MOB2: variants seen among roughly 807,000 people sequenced by gnomAD.
MOB2 encodes MOB kinase activator 2.
Under a neutral mutation model 27.4 loss-of-function variants are expected in MOB2, and 14 were observed. The observed-to-expected ratio is 0.51, with a 90% CI of 0.34 to 0.80. The LOEUF is 0.80. MOB2 is among the 30% of genes least tolerant of loss of function. MOB2 has a pLI of 0.01. For synonymous variants in MOB2, 167 were observed against 151.8 expected, an observed-to-expected ratio of 1.10 and a Z score of -0.74; for missense variants, 304 against 354.6, an observed-to-expected ratio of 0.86 and a Z score of 1.15.
chr11:1,481,718 G>A (rs1847915928), intron 1 of MOB2: 1 of 7,446 alleles, frequency 1.3e-4, no homozygotes, highest in Admixed American at 8.8e-4. Flanking sequence ...GCAGGAGCAG[G>A]GGCAGGGGCA....
At chr11:1,481,655 G>C (rs919465732) in intron 1 of MOB2, 1 of 150,814 alleles carries the variant, frequency 6.6e-6, no homozygotes, top group South Asian at 2.0e-4. Flanking sequence ...GGAGACCAGC[G>C]CAGGCCTCTG....
intron 3 of MOB2, among the ~76,000 whole-genome samples, chr11:1,478,762 CCT>C (rs975017062): frequency 1.5e-4 from 23 of 152,310 alleles, no homozygotes; most frequent in Admixed American, 7.2e-4. Flanking sequence ...GGCCCCGCCC[CCT>C]TTCTCGTCTC....
intron 3 of MOB2, chr11:1,473,038 C>G (rs1304792486): frequency 6.5e-6 from 1 of 152,968 alleles, no homozygotes; most frequent in East Asian, 1.9e-4. Flanking sequence ...GCAACAGAAA[C>G]AGCCATCAGG....
At chr11:1,473,852 C>T (rs568900334) in intron 3 of MOB2, among the ~76,000 whole-genome samples, 1 of 152,378 alleles carries the variant, frequency 6.6e-6, no homozygotes, top group East Asian at 1.9e-4. Flanking sequence ...GCTGTGCCCC[C>T]AGCACCCCGG....
Position 1,486,636 on chromosome 11 carries a change from C to G in MOB2, c.-80G>C. On this transcript the variant is annotated 5_prime_UTR_variant, in exon 1 of 5. Transcript: ENST00000329957. ...GCACTCGCAAATGCCTGCTGCCGGG[C>G]CCTCCAGCCTCACTCCCTGGCCAAT... 1 of 953,926 alleles carries G rather than the reference C, an allele frequency of 1.0e-6. No homozygotes were observed. Among genetic ancestry groups the G allele is most frequent in the Admixed American group, 2.1e-5 (1 of 48,664 alleles). 59.1% of individuals were successfully genotyped at this position (953,926 alleles called of 1,614,324 possible). A position where few individuals can be genotyped will look rare whatever the true frequency, so the allele number is the denominator to read the frequency against.
At chr11:1,480,597 T>C in intron 2 of MOB2, 111 bp from the exon 3 acceptor site, 2 of 1,530,084 alleles carry the variant, frequency 1.3e-6, no homozygotes, top group Non-Finnish European at 1.8e-6. Context: ...GCTCTGCCCG[T>C]CCACGGGCCA....
Position 1,480,398 on chromosome 11 carries a change from G to A in MOB2, c.360C>T (p.Cys120=). 6.2e-7 allele frequency: 1 copy of A among 1,613,448 alleles called. No homozygotes were observed. Among genetic ancestry groups the A allele is most frequent in the Non-Finnish European group, 8.5e-7 (1 of 1,179,720 alleles). Residue 120 remains cysteine, a synonymous_variant, in exon 3 of 5, where the codon TGC becomes TGT. Transcript: ENST00000329957. ...TGETCQTMAV[C]NTQYYWYDER... ...TGTAGCCAGGCAGCACTCACGTGTT[G>A]CACACGGCCATCGTCTGACACGTCT...
chr11:1,480,280 C>T lies in MOB2; in HGVS notation c.365+113G>A. 3.1e-6 allele frequency: 3 copies of T among 978,766 alleles called. No individual in the cohort carries two copies. In the South Asian group the frequency reaches 4.7e-5, roughly 15 times the overall value. 60.6% of individuals were successfully genotyped at this position (978,766 alleles called of 1,614,324 possible). ...GTGGAAGGCCTGTGCCAAGACTTCT[C>T]AGGGTCTCCAGGTGAGAACGGAATC... On this transcript the variant is annotated intron_variant, in intron 3 of 4. Coordinates refer to ENST00000329957, the MANE Select transcript of MOB2 (RefSeq NM_001172223.3).
chr11:1,481,690 G>A (rs1330615816), intron 1 of MOB2: 1 of 152,060 alleles, frequency 6.6e-6, no homozygotes, highest in East Asian at 1.9e-4. Flanking sequence ...AGTAGCCAGA[G>A]CCAGGCAGGG....
At chr11:1,470,637 G>C in intron 4 of MOB2, 149 bp from the exon 5 acceptor site, 2 of 939,254 alleles carry the variant, frequency 2.1e-6, no homozygotes. Context: ...AGCAGCAACA[G>C]CTTCTGCCCA....
In MOB2 at chr11:1,480,922, C is replaced by A. The variant is rs567593250; in HGVS notation, c.111-37G>T. The A allele has an allele frequency of 2.0e-5, 31 of 1,547,208 alleles. No homozygotes were observed. In the East Asian group the frequency reaches 7.1e-4, roughly 35 times the overall value. ...GGAGACGCGGTGTGGTCACTACACG[C>A]CCATCAGACCCAGGGTCTGCCCGGG... On this transcript the variant is annotated intron_variant, in intron 1 of 4. Transcript: ENST00000329957.
rs942984371 is a variant in MOB2 at position 1,486,616 on chromosome 11, C to T, written c.-60G>A. Reference sequence around the variant, plus strand: ...GGCGGGGTGCCGGCTGGCCAGCACTCGCAAATGCCTGCTGCCGGGCCCTCC... The same window carrying T: ...GGCGGGGTGCCGGCTGGCCAGCACTTGCAAATGCCTGCTGCCGGGCCCTCC... On this transcript the variant is annotated 5_prime_UTR_variant, in exon 1 of 5. Coordinates refer to ENST00000329957, the MANE Select transcript of MOB2 (RefSeq NM_001172223.3). The T allele has an allele frequency of 1.5e-5, 18 of 1,178,068 alleles. No individual in the cohort carries two copies. Among genetic ancestry groups the T allele is most frequent in the Non-Finnish European group, 1.9e-5 (16 of 826,668 alleles). 73.0% of individuals were successfully genotyped at this position (1,178,068 alleles called of 1,614,324 possible).
At position 1,471,315 on chromosome 11, in the gene MOB2, T is replaced by G; in HGVS notation, c.470A>C (p.Asp157Ala). The G allele has an allele frequency of 6.2e-7, 1 of 1,613,288 alleles. No individual in the cohort carries two copies. Among genetic ancestry groups the G allele is most frequent in the African/African-American group, 1.3e-5 (1 of 75,054 alleles). The change falls in exon 4 of 5, where the codon GAC (aspartate) becomes GCC (alanine). Residue 157 changes from aspartate (D) to alanine (A), a missense_variant. Asp to Ala is a moderately radical substitution (Grantham distance 126). Transcript: ENST00000329957. ...CGAACCGTATTTTGTGGGGAACACG[T>G]CCTCATCCGTCACCAGCTTCTGCAC... ...SSVQKLVTDEDVFPTKYGREF... is the reference protein window; with the variant it reads ...SSVQKLVTDEAVFPTKYGREF...
chr11:1,480,296 G>C (rs1296023561), intron 3 of MOB2, 97 bp downstream of exon 3: 2 of 1,137,272 alleles, frequency 1.8e-6, no homozygotes, highest in East Asian at 4.7e-5. Flanking sequence ...CTCCAGGTGA[G>C]AACGGAATCT....
Position 1,486,562 on chromosome 11 carries a change from G to A in MOB2, c.-6C>T, listed in dbSNP as rs561800385. On this transcript the variant is annotated 5_prime_UTR_variant, in exon 1 of 5. Transcript: ENST00000329957. ...CTGCAGTGGTCTCCCAGCATGAGTG[G>A]GCGACGGGAAGGTGGGGAGGAGAAG... 2.0e-3 allele frequency: 3,092 copies of A among 1,532,334 alleles called. 6 individuals are homozygous for A. Among genetic ancestry groups the A allele is most frequent in the Non-Finnish European group, 2.2e-3 (2,471 of 1,143,762 alleles). The allele number at this position is 1,532,334 out of a possible 1,614,324, so 94.9% of individuals were successfully genotyped here.
chr11:1,471,352 C>G lies in MOB2; in HGVS notation c.433G>C (p.Val145Leu). 1 of 1,613,548 alleles carries G rather than the reference C, an allele frequency of 6.2e-7. No individual in the cohort carries two copies. Residue 145 changes from valine (V) to leucine (L), a missense_variant, in exon 4 of 5, where the codon GTC becomes CTC. Transcript: ENST00000329957. The stretch of plus-strand genomic sequence containing the variant: ...ACCAGCTTCTGCACGGAGCTCATGA[C>G]GAAGTCAACGTACTGTGGGGCCGTG... ...KCTAPQYVDF[V>L]MSSVQKLVTD...
At chr11:1,470,631 G>C in intron 4 of MOB2, 143 bp from the exon 5 acceptor site, 1 of 978,966 alleles carries the variant, frequency 1.0e-6, no homozygotes, top group Non-Finnish European at 1.5e-6. Context: ...AGCCCCAGCA[G>C]CAACAGCTTC....
chr11:1,482,319 C>T (rs1426110379), intron 1 of MOB2, among the ~76,000 whole-genome samples: 1 of 152,256 alleles, frequency 6.6e-6, no homozygotes, highest in Non-Finnish European at 1.5e-5. Flanking sequence ...AGCGCGCTCA[C>T]TCTCAGGGTG....
In MOB2 at chr11:1,480,485, G is replaced by C. The variant is rs1259464451; in HGVS notation, c.273C>G (p.Thr91=). 6.2e-7 allele frequency: 1 copy of C among 1,613,702 alleles called. No homozygotes were observed. The highest frequency in any genetic ancestry group is 2.2e-5 in the East Asian group (1 of 44,876). ...IDLNEWLASN[T]TTFFHHINLQ... is the part of the protein sequence containing the mutation. ...GGTTGATGTGGTGGAAAAACGTCGTGGCTGGAAGAGAAGAGAAGGAGCCAG... is the reference window on the plus strand; with the variant it reads ...GGTTGATGTGGTGGAAAAACGTCGTCGCTGGAAGAGAAGAGAAGGAGCCAG... Residue 91 remains threonine, a splice_region_variant and synonymous_variant, in exon 3 of 5, where the codon ACC becomes ACG. Coordinates refer to ENST00000329957, the MANE Select transcript of MOB2 (RefSeq NM_001172223.3).
Sources: allele counts gnomAD v4.1 joint callset (sites outside exome capture counted in the v4.1 genomes callset), GRCh38; gene constraint gnomAD v4.1.1; transcripts MANE v1.5; gene names NCBI Gene and HGNC (gene_info 2026-07-23, HGNC 2026-07-21).